The following TMPRSS4 variants were observed in gnomAD, a reference collection of about 807,000 sequenced individuals.
The protein encoded by TMPRSS4 is transmembrane serine protease 4.
Under a neutral mutation model 56.4 loss-of-function variants are expected in TMPRSS4, and 45 were observed. The observed-to-expected ratio is 0.80, with a 90% confidence interval of 0.63 to 1.02. The LOEUF (loss-of-function observed/expected upper bound fraction) is 1.02, where lower values mean the gene tolerates loss of function less well. Among genes scored for constraint, TMPRSS4 ranks in the 50% least tolerant of loss-of-function variants. The probability of loss-of-function intolerance (pLI) is 0.00; values close to 1 mark genes in which losing one functional copy is unlikely to be tolerated. For synonymous variants in TMPRSS4, 205 were observed against 211.0 expected, an observed-to-expected ratio of 0.97 and a Z score of 0.25; for missense variants, 546 against 556.7, an observed-to-expected ratio of 0.98 and a Z score of 0.19.
chr11:118,079,179 C>T (rs1260282723), intron 1 of TMPRSS4, among the ~76,000 whole-genome samples: 1 of 152,136 alleles, frequency 6.6e-6, no homozygotes, highest in Non-Finnish European at 1.5e-5. Context: ...CGGAGCTAGC[C>T]ATTATACTGC....
intron 1 of TMPRSS4, among the ~76,000 whole-genome samples, chr11:118,091,999 C>T (rs1366329605): frequency 6.6e-6 from 1 of 152,116 alleles, no homozygotes; most frequent in African/African-American, 2.4e-5. Context: ...TTACTAGGTA[C>T]TAGCCTGGTG....
At chr11:118,095,868 G>A (rs1388399894) in intron 2 of TMPRSS4, among the ~76,000 whole-genome samples, 2 of 152,200 alleles carry the variant, frequency 1.3e-5, no homozygotes, top group Non-Finnish European at 2.9e-5. Context: ...TCTAGCTGCA[G>A]TGGGCAGGAC....
chr11:118,079,300 C>T (rs556108669), intron 1 of TMPRSS4, among the ~76,000 whole-genome samples: 6 of 152,302 alleles, frequency 3.9e-5, no homozygotes, highest in African/African-American at 1.2e-4. Flanking sequence ...GCCCTCCCTT[C>T]CCTTCCCTTC....
At chr11:118,079,688 C>T (rs1364531771) in intron 1 of TMPRSS4, among the ~76,000 whole-genome samples, 1 of 152,206 alleles carries the variant, frequency 6.6e-6, no homozygotes, top group African/African-American at 2.4e-5. Flanking sequence ...TCCCTCCCAC[C>T]TCCTGTTTTC....
intron 3 of TMPRSS4, 52 bp downstream of exon 3, chr11:118,099,150 C>G: frequency 6.9e-7 from 1 of 1,452,600 alleles, no homozygotes; most frequent in South Asian, 1.1e-5. Flanking sequence ...TGACAGGGCC[C>G]AACCCCCACC....
At chr11:118,089,741 T>A (rs1327823360) in intron 1 of TMPRSS4, among the ~76,000 whole-genome samples, 4 of 152,306 alleles carry the variant, frequency 2.6e-5, no homozygotes, top group African/African-American at 9.6e-5. Context: ...AGTAAGTTCT[T>A]CCCAAACCCC....
intron 1 of TMPRSS4, among the ~76,000 whole-genome samples, chr11:118,079,958 G>T (rs1037855349): frequency 5.9e-5 from 9 of 152,258 alleles, no homozygotes; most frequent in African/African-American, 2.2e-4. Context: ...CTGCTCTCCT[G>T]GATCCTTTGC....
chr11:118,084,899 C>T (rs544719587), intron 1 of TMPRSS4, among the ~76,000 whole-genome samples: 1 of 152,304 alleles, frequency 6.6e-6, no homozygotes, highest in Admixed American at 6.5e-5. Flanking sequence ...GTCCCTGCCT[C>T]AGAGTTCAGG....
At chr11:118,116,600 GT>G (rs35042522) in intron 11 of TMPRSS4, among the ~76,000 whole-genome samples, 50,949 of 151,210 alleles carry the variant, frequency 0.34, 9,656 homozygotes, top group East Asian at 0.58. Flanking sequence ...AGGGATCTTT[GT>G]TTTTTTTCAT....
intron 1 of TMPRSS4, among the ~76,000 whole-genome samples, chr11:118,092,920 A>T (rs1783861): frequency 0.4 from 61,509 of 152,034 alleles, 12,480 homozygotes; most frequent in Middle Eastern, 0.49. Context: ...ACTCATGTAA[A>T]CCTCACAGTA....
chr11:118,099,208 C>T, intron 3 of TMPRSS4, 110 bp downstream of exon 3: 1 of 831,098 alleles, frequency 1.2e-6, no homozygotes. Context: ...CCTGCCCTCA[C>T]CCCCTCAGTA....
intron 1 of TMPRSS4, among the ~76,000 whole-genome samples, chr11:118,078,751 A>G (rs1365661954): frequency 6.6e-6 from 1 of 152,182 alleles, no homozygotes; most frequent in Non-Finnish European, 1.5e-5. Context: ...CACTAACTGC[A>G]GAATCAGAAG....
chr11:118,096,836 A>G (rs1331748107), intron 2 of TMPRSS4, among the ~76,000 whole-genome samples: 1,709 of 16,412 alleles, frequency 0.1, 526 homozygotes, highest in African/African-American at 0.13. Context: ...AGAAAGAAAG[A>G]AGGAAAGAAG....
intron 1 of TMPRSS4, among the ~76,000 whole-genome samples, chr11:118,080,465 G>A (rs1465971941): frequency 2.0e-5 from 3 of 152,148 alleles, no homozygotes; most frequent in Admixed American, 6.5e-5. Flanking sequence ...CTCCCAGGGC[G>A]CTTCCAGCCT....
At chr11:118,104,031 G>A (rs1725195084) in intron 4 of TMPRSS4, among the ~76,000 whole-genome samples, 1 of 152,062 alleles carries the variant, frequency 6.6e-6, no homozygotes, top group Non-Finnish European at 1.5e-5. Flanking sequence ...GATGTTTTGA[G>A]CATAAAATCC....
intron 1 of TMPRSS4, among the ~76,000 whole-genome samples, chr11:118,094,187 C>G (rs1941630): frequency 0.92 from 139,396 of 152,258 alleles, 63,894 homozygotes; most frequent in South Asian, 0.93. Flanking sequence ...TCATAAAATA[C>G]TTGTACGTTT....
Position 118,117,407 on chromosome 11 carries a change from T to TAC in TMPRSS4, c.1258_1259dup (p.Lys421ProfsTer158), listed in dbSNP as rs779609869. 6.8e-6 allele frequency: 11 copies of TAC among 1,614,102 alleles called. No homozygotes were observed. Among genetic ancestry groups the TAC allele is most frequent in the Admixed American group, 6.7e-5 (4 of 60,024 alleles). The stretch of plus-strand genomic sequence containing the variant: ...CGGGGGCCCGAGCACCCCAGGAGTA[T>TAC]ACACCAAGGTCTCAGCCTATCTCAA... On this transcript the variant is annotated frameshift_variant, in exon 12 of 13. Coordinates refer to ENST00000437212, the MANE Select transcript of TMPRSS4 (RefSeq NM_019894.4). LOFTEE classifies it high-confidence loss of function.
rs946976804 is a variant in TMPRSS4 at position 118,107,892 on chromosome 11, C to T, written c.542+17C>T. 2 of 1,610,672 alleles carry T rather than the reference C, an allele frequency of 1.2e-6. No homozygotes were observed. Among genetic ancestry groups the T allele is most frequent in the Middle Eastern group, 1.8e-4 (1 of 5,660 alleles). ...CTCAAGTGGGTAAGTGAGGGGACACCTTCTGGCCTACAGAAGGCCCCCACA... is the reference window on the plus strand; with the variant it reads ...CTCAAGTGGGTAAGTGAGGGGACACTTTCTGGCCTACAGAAGGCCCCCACA... On this transcript the variant is annotated intron_variant, in intron 6 of 12. Coordinates refer to ENST00000437212, the MANE Select transcript of TMPRSS4 (RefSeq NM_019894.4).
chr11:118,102,221 C>T (rs881122), intron 3 of TMPRSS4, among the ~76,000 whole-genome samples: 1 of 151,872 alleles, frequency 6.6e-6, no homozygotes, highest in Non-Finnish European at 1.5e-5. Flanking sequence ...TGTGTTCTTA[C>T]CATTTAACAG....
Sources: allele counts gnomAD v4.1 joint callset (sites outside exome capture counted in the v4.1 genomes callset), GRCh38; gene constraint gnomAD v4.1.1; transcripts MANE v1.5; gene names NCBI Gene and HGNC (gene_info 2026-07-23, HGNC 2026-07-21).